Variants in P3H1 observed in about 807,000 individuals in gnomAD.
P3H1 encodes growth suppressor 1.
In P3H1, 69 loss-of-function variants were observed where a neutral mutation model predicts 84.0. The observed-to-expected ratio is 0.82, with a 90% CI of 0.68 to 1.00. The LOEUF is 1.00. Ranked by LOEUF, P3H1 falls within the 50% of genes least tolerant of loss-of-function variation. P3H1 has a pLI of 0.00. For missense variants in P3H1, 878 were observed against 962.8 expected (o/e 0.91, Z 1.17); for synonymous variants, 366 against 388.8 (o/e 0.94, Z 0.69).
intron 8 of P3H1, among the ~76,000 whole-genome samples, chr1:42,752,989 T>C (rs1012083535): frequency 6.6e-6 from 1 of 152,208 alleles, no homozygotes; most frequent in African/African-American, 2.4e-5. Flanking sequence ...AGATCCTCCA[T>C]TGATTAGCTG....
chr1:42,752,491 G>A (rs763965237), intron 9 of P3H1, 46 bp downstream of exon 9: 60 of 1,613,656 alleles, frequency 3.7e-5, no homozygotes, highest in Non-Finnish European at 4.3e-5. Flanking sequence ...TTGGTGGGGG[G>A]ATGCTGGACC....
In P3H1 at chr1:42,766,014, CCCG is replaced by C. The variant is rs199947144; in HGVS notation, c.465+490_465+492del. 3.8e-3 allele frequency among the ~76,000 whole-genome samples: 337 copies of C among 87,696 alleles called. 11 individuals carry two copies. Among genetic ancestry groups the C allele is most frequent in the African/African-American group, 8.4e-3 (199 of 23,648 alleles). 57.5% of individuals were successfully genotyped at this position (87,696 alleles called of 152,430 possible). A position where few individuals can be genotyped will look rare whatever the true frequency, so the allele number is the denominator to read the frequency against. On this transcript the variant is annotated intron_variant, in intron 1 of 14. Coordinates refer to ENST00000296388, the MANE Select transcript of P3H1 (RefSeq NM_022356.4). ...GGCAGACTAGCCAGAGGGTCCCCCC[CCCG>C]CCCCCACACACACACAGAAAGGGCC...
At position 42,762,416 on chromosome 1, in the gene P3H1, CT is replaced by C. The variant is rs1454877887; in HGVS notation, c.524del (p.Glu175GlyfsTer9). On this transcript the variant is annotated frameshift_variant, in exon 2 of 15. Transcript: ENST00000296388. LOFTEE classifies it high-confidence loss of function. ...AAHTFFVGNP[E>X]HMEMQQNLDY... The stretch of plus-strand genomic sequence containing the variant: ...CTAGGTTCTGCTGCATTTCCATGTG[CT>C]CAGGATTGCCCACGAAGAAGGTGTG... 6.2e-7 allele frequency: 1 copy of C among 1,614,124 alleles called. No individual in the cohort carries two copies. The highest frequency in any genetic ancestry group is 8.5e-7 in the Non-Finnish European group (1 of 1,179,964).
chr1:42,763,916 G>A (rs1652855300), intron 1 of P3H1, among the ~76,000 whole-genome samples: 1 of 151,146 alleles, frequency 6.6e-6, no homozygotes, highest in African/African-American at 2.4e-5. Flanking sequence ...AGGCTGAGGC[G>A]GGCGGATCAT....
intron 5 of P3H1, 129 bp from the exon 6 acceptor site, chr1:42,755,766 CTCTG>C (rs1652374961): frequency 2.9e-6 from 2 of 698,770 alleles, no homozygotes; most frequent in Non-Finnish European, 5.1e-6. Flanking sequence ...TACCAATGCT[CTCTG>C]TCTGTTCCCC....
rs1309875112 is a variant in P3H1, at chr1:42,751,007, G to A, written c.1570-671C>T. Among the ~76,000 whole-genome samples the A allele has an allele frequency of 1.2e-4, 14 of 112,848 alleles. 1 individual carries two copies. The highest frequency in any genetic ancestry group is 7.4e-4 in the Admixed American group (9 of 12,152). The allele number at this position is 112,848 out of a possible 152,430, so 74.0% of individuals were successfully genotyped here. A position where few individuals can be genotyped will look rare whatever the true frequency, so the allele number is the denominator to read the frequency against. On this transcript the variant is annotated intron_variant, in intron 10 of 14. Coordinates refer to ENST00000296388, the MANE Select transcript of P3H1 (RefSeq NM_022356.4). ...CGGGAGGTGAGGGGCGCTTCTGCCC[G>A]GCCGCCCCTACTGGGAAGTGAGGAG...
At position 42,766,824 on chromosome 1, in the gene P3H1, C is replaced by G; in HGVS notation, c.148G>C (p.Asp50His). 1.2e-6 allele frequency: 2 copies of G among 1,604,100 alleles called. No homozygotes were observed. The highest frequency in any genetic ancestry group is 1.7e-6 in the Non-Finnish European group (2 of 1,179,702). Residue 50 changes from aspartate (D) to histidine (H), a missense_variant, in exon 1 of 15, where the codon GAC becomes CAC. By Grantham distance (81) the Asp-to-His change is moderately conservative. Coordinates refer to ENST00000296388, the MANE Select transcript of P3H1 (RefSeq NM_022356.4). The part of the protein sequence containing the change: ...AEGTAAYARG[D>H]WPGVVLSMER... Reference sequence around the variant, plus strand: ...ATGCTCAGGACCACCCCGGGCCAGTCCCCGCGCGCGTAGGCTGCGGTCCCC... The same window carrying G: ...ATGCTCAGGACCACCCCGGGCCAGTGCCCGCGCGCGTAGGCTGCGGTCCCC...
In P3H1 at chr1:42,747,198, A is replaced by T. The variant is rs3738496; in HGVS notation, c.2055+74T>A. 0.12 allele frequency: 186,121 copies of T among 1,614,114 alleles called. 11,760 individuals carry two copies. The highest frequency in any genetic ancestry group is 0.25 in the East Asian group (11,122 of 44,866). On this transcript the variant is annotated intron_variant, in intron 14 of 14. Coordinates refer to ENST00000296388, the MANE Select transcript of P3H1 (RefSeq NM_022356.4). ...CTGGCAATGGGATTTGGGGAAGAGA[A>T]AGGCAAACCAAGGGCGCTCTGGGAA...
chr1:42,757,522 C>T (rs543389131), intron 5 of P3H1, among the ~76,000 whole-genome samples: 10 of 152,328 alleles, frequency 6.6e-5, no homozygotes, highest in East Asian at 3.9e-4. Context: ...ATGCTCACCG[C>T]GCAGTTCTGC....
At chr1:42,748,341 A>G (rs1330879415) in intron 11 of P3H1, 24 bp from the exon 12 acceptor site, 1 of 1,547,608 alleles carries the variant, frequency 6.5e-7, no homozygotes, top group Non-Finnish European at 8.9e-7. Flanking sequence ...CACACATGTT[A>G]GCAAGGGAGC....
intron 1 of P3H1, among the ~76,000 whole-genome samples, chr1:42,763,745 A>C (rs1346058276): frequency 2.0e-5 from 3 of 151,394 alleles, no homozygotes; most frequent in South Asian, 2.1e-4. Context: ...CAATGCCCAC[A>C]GCAATGGACT....
At chr1:42,765,615 T>C (rs777595469) in intron 1 of P3H1, among the ~76,000 whole-genome samples, 7 of 152,152 alleles carry the variant, frequency 4.6e-5, no homozygotes, top group Non-Finnish European at 8.8e-5. Flanking sequence ...AGGGGAACTG[T>C]GTAGGCAGAA....
Position 42,755,565 on chromosome 1 carries a change from T to A in P3H1, c.1153A>T (p.Ile385Phe). Residue 385 changes from isoleucine (I) to phenylalanine (F), a missense_variant, in exon 6 of 15, where the codon ATT (isoleucine) becomes TTT (phenylalanine). By Grantham distance (21) the Ile-to-Phe change is conservative. Coordinates refer to ENST00000296388, the MANE Select transcript of P3H1 (RefSeq NM_022356.4). Reference sequence around the variant, plus strand: ...TAGCTCACCGGATCCACAAAGGGAATTCCAAAAACATCATAAGCGAAGAAA... The same window carrying A: ...TAGCTCACCGGATCCACAAAGGGAAATCCAAAAACATCATAAGCGAAGAAA... Reference protein sequence around the residue: ...LLFFAYDVFGIPFVDPDSWTP... With the variant: ...LLFFAYDVFGFPFVDPDSWTP... 1.2e-6 allele frequency: 2 copies of A among 1,613,966 alleles called. No homozygotes were observed. The highest frequency in any genetic ancestry group is 2.2e-5 in the South Asian group (2 of 91,080).
chr1:42,760,746 C>A (rs535831784), intron 2 of P3H1: 2 of 152,536 alleles, frequency 1.3e-5, no homozygotes, highest in African/African-American at 4.8e-5. Flanking sequence ...CCTCCGCCTC[C>A]TGGGTTCAAG....
At chr1:42,766,024 C>A (rs1405468563) in intron 1 of P3H1, among the ~76,000 whole-genome samples, 6 of 134,712 alleles carry the variant, frequency 4.5e-5, no homozygotes, top group Non-Finnish European at 6.3e-5. Context: ...CCCGCCCCCA[C>A]ACACACACAG....
In P3H1 at chr1:42,754,742, C is replaced by T. The variant is rs1570467402; in HGVS notation, c.1345+127G>A. 2 of 1,234,778 alleles carry T rather than the reference C, an allele frequency of 1.6e-6. No homozygotes were observed. Among genetic ancestry groups the T allele is most frequent in the Middle Eastern group, 2.3e-4 (1 of 4,260 alleles). The allele number at this position is 1,234,778 out of a possible 1,614,324, so 76.5% of individuals were successfully genotyped here. A position where few individuals can be genotyped will look rare whatever the true frequency, so the allele number is the denominator to read the frequency against. ...TTAGGAAGGATGTCCACTGAACTTG[C>T]ACCCTAAGGGTGGCTGGCTCATGGT... On this transcript the variant is annotated intron_variant, in intron 8 of 14. Transcript: ENST00000296388. The surrounding 1 kb of genome is among the most constrained non-coding windows in gnomAD (Gnocchi z 4.0).
intron 10 of P3H1, 138 bp downstream of exon 10, chr1:42,752,136 G>T: frequency 1.3e-6 from 1 of 758,098 alleles, no homozygotes; most frequent in Non-Finnish European, 2.4e-6. Context: ...ACTCATCCTC[G>T]CTTCCTGGCA....
intron 2 of P3H1, 63 bp downstream of exon 2, chr1:42,762,260 G>C: frequency 6.5e-7 from 1 of 1,527,276 alleles, no homozygotes; most frequent in Non-Finnish European, 9.1e-7. Flanking sequence ...GACAGAGCAA[G>C]ACTCTGTCTC....
In P3H1 at chr1:42,755,781, A is replaced by C. The variant is rs1652375691; in HGVS notation, c.1081-144T>G. The C allele has an allele frequency of 7.6e-5, 53 of 695,252 alleles. 1 individual carries two copies. The South Asian group carries it at 7.8e-4, about 10-fold the overall frequency. 43.1% of individuals were successfully genotyped at this position (695,252 alleles called of 1,614,324 possible). On this transcript the variant is annotated intron_variant, in intron 5 of 14. Transcript: ENST00000296388. The stretch of plus-strand genomic sequence containing the variant: ...TACCAATGCTCTCTGTCTGTTCCCC[A>C]GTTTGAGACAAAAGTCTAATTTCTG...
Sources: allele counts gnomAD v4.1 joint callset (sites outside exome capture counted in the v4.1 genomes callset), GRCh38; gene constraint gnomAD v4.1.1; non-coding constraint Gnocchi (gnomAD v3.1); transcripts MANE v1.5; gene names NCBI Gene and HGNC (gene_info 2026-07-23, HGNC 2026-07-21).